Variants in IGF1 observed in about 807,000 individuals in gnomAD.
IGF1 encodes insulin-like growth factor 1.
IGF1 carries 4 observed loss-of-function variants against 13.8 expected under a neutral mutation model. The ratio of observed to expected loss-of-function variants is 0.29; its 90% CI spans 0.14 to 0.66. The LOEUF is 0.66. Among genes scored for constraint, IGF1 ranks in the 30% least tolerant of loss-of-function variants. The pLI, the probability that IGF1 is intolerant of heterozygous loss-of-function variation, is 0.78. For synonymous variants in IGF1, 76 were observed against 72.6 expected (o/e 1.05, Z -0.23); for missense variants, 124 against 188.5 (o/e 0.66, Z 2.00).
intron 3 of IGF1, among the ~76,000 whole-genome samples, chr12:102,418,170 C>A (rs1469902349): frequency 6.6e-6 from 1 of 152,238 alleles, no homozygotes; most frequent in Admixed American, 6.5e-5. Context: ...CTTTGGGACT[C>A]ATCTCTTGAC....
At chr12:102,426,591 C>T (rs962186587) in intron 2 of IGF1, among the ~76,000 whole-genome samples, 1 of 152,134 alleles carries the variant, frequency 6.6e-6, no homozygotes, top group African/African-American at 2.4e-5. Flanking sequence ...TAGTTTTAAT[C>T]TAGAATAGAC....
At chr12:102,463,396 C>A (rs953717233) in intron 2 of IGF1, 3 of 152,212 alleles carry the variant, frequency 2.0e-5, no homozygotes, top group Admixed American at 6.5e-5. Flanking sequence ...TGAAGACAGA[C>A]AACACATCGA....
intron 2 of IGF1, among the ~76,000 whole-genome samples, chr12:102,441,926 T>TTCTTCTTCTTCTTCTTCTTCTTCA (rs1877816532): frequency 7.9e-6 from 1 of 127,268 alleles, no homozygotes; most frequent in Non-Finnish European, 1.7e-5. Flanking sequence ...CTTCTTCTTC[T>TTCTTCTTCTTCTTCTTCTTCTTCA]TCTTCTTCTT....
At position 102,399,316 on chromosome 12, in the gene IGF1, A is replaced by G. The variant is rs918642732; in HGVS notation, c.*3191T>C. 6.6e-6 allele frequency: 1 copy of G among 152,584 alleles called. No homozygotes were observed. Among genetic ancestry groups the G allele is most frequent in the Admixed American group, 6.6e-5 (1 of 15,250 alleles). 9.5% of individuals were successfully genotyped at this position (152,584 alleles called of 1,614,324 possible). A position where few individuals can be genotyped will look rare whatever the true frequency, so the allele number is the denominator to read the frequency against. Reference sequence around the variant, plus strand: ...CAGAAATTTGACCTAAGTATCCAGTATGGTCAATTAAATTGGAAATAAGCC... The same window carrying G: ...CAGAAATTTGACCTAAGTATCCAGTGTGGTCAATTAAATTGGAAATAAGCC... On this transcript the variant is annotated 3_prime_UTR_variant, in exon 4 of 4. Transcript: ENST00000337514.
chr12:102,454,094 A>G (rs1005074622), intron 2 of IGF1, among the ~76,000 whole-genome samples: 1 of 152,210 alleles, frequency 6.6e-6, no homozygotes, highest in African/African-American at 2.4e-5. Flanking sequence ...AACTGGCTGG[A>G]TGTCTCATGC....
chr12:102,476,734 T>C (rs1881074927), intron 1 of IGF1, among the ~76,000 whole-genome samples: 1 of 152,196 alleles, frequency 6.6e-6, no homozygotes, highest in African/African-American at 2.4e-5. Flanking sequence ...GTATCTATTT[T>C]ATAGCAAAAT....
intron 2 of IGF1, among the ~76,000 whole-genome samples, chr12:102,437,678 A>C (rs562903998): frequency 6.6e-6 from 1 of 152,324 alleles, no homozygotes; most frequent in South Asian, 2.1e-4. Flanking sequence ...CAGTTAGACA[A>C]GAGGAATAAT....
intron 3 of IGF1, among the ~76,000 whole-genome samples, chr12:102,418,598 C>A (rs1293137608): frequency 6.6e-6 from 1 of 152,232 alleles, no homozygotes; most frequent in Non-Finnish European, 1.5e-5. Context: ...TAAACGAGAG[C>A]TATTTCTTCC....
chr12:102,403,623 ATTTTTTTTTTTTT>A (rs142169670), intron 3 of IGF1, among the ~76,000 whole-genome samples: 4 of 80,580 alleles, frequency 5.0e-5, no homozygotes, highest in African/African-American at 5.0e-5. Context: ...TGCCTTGACA[ATTTTTTTTTTTTT>A]TTTTTTTTTT....
chr12:102,419,300 C>T (rs1875456739), intron 3 of IGF1, among the ~76,000 whole-genome samples: 1 of 152,180 alleles, frequency 6.6e-6, no homozygotes. Flanking sequence ...TAACATCTTC[C>T]AATCATCACA....
intron 2 of IGF1, among the ~76,000 whole-genome samples, chr12:102,460,047 C>T (rs1297116342): frequency 6.6e-6 from 1 of 152,212 alleles, no homozygotes; most frequent in African/African-American, 2.4e-5. Context: ...CAAGGGCACA[C>T]ACTTCACATA....
rs57468885 is a variant in IGF1, at chr12:102,407,094, C to CAAAAAAAA, written c.403-4536_403-4529dup. 5.4e-4 allele frequency among the ~76,000 whole-genome samples: 55 copies of CAAAAAAAA among 100,980 alleles called. 1 individual carries two copies. The highest frequency in any genetic ancestry group is 8.7e-4 in the Non-Finnish European group (46 of 52,964). The allele number at this position is 100,980 out of a possible 152,430, so 66.2% of individuals were successfully genotyped here. A position where few individuals can be genotyped will look rare whatever the true frequency, so the allele number is the denominator to read the frequency against. ...TGGCGACAGAGTAAAACTCTGTCTC[C>CAAAAAAAA]AAAAAAAAAAAAAAAAAAAAAAAAA... On this transcript the variant is annotated intron_variant, in intron 3 of 3. Transcript: ENST00000337514.
In IGF1 at chr12:102,396,756, G is replaced by C. The variant is rs1310854436; in HGVS notation, c.*5751C>G. 1 of 394,740 alleles carries C rather than the reference G, an allele frequency of 2.5e-6. No homozygotes were observed. Among genetic ancestry groups the C allele is most frequent in the African/African-American group, 2.1e-5 (1 of 48,404 alleles). 24.5% of individuals were successfully genotyped at this position (394,740 alleles called of 1,614,324 possible). A position where few individuals can be genotyped will look rare whatever the true frequency, so the allele number is the denominator to read the frequency against. On this transcript the variant is annotated 3_prime_UTR_variant, in exon 4 of 4. Coordinates refer to ENST00000337514, the MANE Select transcript of IGF1 (RefSeq NM_000618.5). ...TGTCTCCATCTTAACTCATATTTCA[G>C]TTGAGCAGTAACATTTGGTTTTGTG... is the stretch of plus-strand genomic sequence containing the variant.
At chr12:102,478,907 A>G (rs1881242015) in intron 1 of IGF1, among the ~76,000 whole-genome samples, 1 of 152,096 alleles carries the variant, frequency 6.6e-6, no homozygotes, top group South Asian at 2.1e-4. Flanking sequence ...ACCTTTACCC[A>G]CTGAATTACA....
chr12:102,435,034 A>G (rs1156985150), intron 2 of IGF1, among the ~76,000 whole-genome samples: 1 of 152,240 alleles, frequency 6.6e-6, no homozygotes, highest in Non-Finnish European at 1.5e-5. Context: ...TAAAAATAAT[A>G]CACATTTTTA....
chr12:102,456,087 A>G (rs1290812637), intron 2 of IGF1, among the ~76,000 whole-genome samples: 1 of 152,186 alleles, frequency 6.6e-6, no homozygotes, highest in African/African-American at 2.4e-5. Flanking sequence ...TTGGTAAAAC[A>G]TCTCCCTCAC....
chr12:102,447,690 T>C (rs1055273995), intron 2 of IGF1, among the ~76,000 whole-genome samples: 1 of 152,184 alleles, frequency 6.6e-6, no homozygotes, highest in African/African-American at 2.4e-5. Flanking sequence ...AGTCTGTGCC[T>C]TTAATTAGGG....
intron 2 of IGF1, among the ~76,000 whole-genome samples, chr12:102,422,228 GT>G (rs1173233896): frequency 7.2e-5 from 11 of 151,924 alleles, no homozygotes; most frequent in Non-Finnish European, 1.3e-4. Context: ...GTCTACATTT[GT>G]TTTTTTAAAA....
At chr12:102,471,514 G>A (rs1880687573) in intron 2 of IGF1, among the ~76,000 whole-genome samples, 1 of 152,086 alleles carries the variant, frequency 6.6e-6, no homozygotes, top group African/African-American at 2.4e-5. Context: ...AACAATGAAA[G>A]TTCATTGTAA....
Sources: allele counts gnomAD v4.1 joint callset (sites outside exome capture counted in the v4.1 genomes callset), GRCh38; gene constraint gnomAD v4.1.1; transcripts MANE v1.5; gene names NCBI Gene and HGNC (gene_info 2026-07-23, HGNC 2026-07-21).